The following SCAI variants were observed in gnomAD, a reference collection of about 807,000 sequenced individuals.
SCAI encodes protein SCAI.
SCAI carries 24 observed loss-of-function variants against 92.2 expected under a neutral mutation model. That is an observed-to-expected ratio of 0.26 (90% CI 0.19 to 0.37). SCAI has a LOEUF of 0.37. SCAI is among the 10% of genes least tolerant of loss of function. The pLI is 1.00. For missense variants in SCAI, 450 were observed against 736.2 expected, an observed-to-expected ratio of 0.61 and a Z score of 4.50; for synonymous variants, 261 against 258.6, an observed-to-expected ratio of 1.01 and a Z score of -0.09.
intron 13 of SCAI, among the ~76,000 whole-genome samples, chr9:124,997,961 TA>T (rs1219221786): frequency 2.6e-5 from 4 of 152,024 alleles, no homozygotes; most frequent in African/African-American, 9.7e-5. Context: ...TTTTTGCATT[TA>T]AAAAAATTTT....
intron 2 of SCAI, among the ~76,000 whole-genome samples, chr9:125,138,300 G>T (rs547036594): frequency 1.4e-5 from 2 of 144,496 alleles, no homozygotes; most frequent in South Asian, 4.3e-4. Context: ...TTGTTGCCCA[G>T]GATGGAGTGC....
At chr9:125,076,611 T>A (rs1274879732) in intron 2 of SCAI, among the ~76,000 whole-genome samples, 1 of 152,080 alleles carries the variant, frequency 6.6e-6, no homozygotes, top group Non-Finnish European at 1.5e-5. Context: ...ACCTCTGTAA[T>A]CCCAGCACTT....
At chr9:125,064,077 T>C (rs1357053882) in intron 2 of SCAI, among the ~76,000 whole-genome samples, 1 of 152,144 alleles carries the variant, frequency 6.6e-6, no homozygotes, top group African/African-American at 2.4e-5. Flanking sequence ...CTAAAAATCA[T>C]ATGCACCTAA....
intron 14 of SCAI, among the ~76,000 whole-genome samples, chr9:124,987,006 AAAG>A (rs1832006565): frequency 6.6e-6 from 1 of 152,214 alleles, no homozygotes; most frequent in Non-Finnish European, 1.5e-5. Flanking sequence ...CCAGGGGAAA[AAAG>A]AAAAAGAAGT....
At chr9:124,972,570 C>T (rs1831680630) in intron 15 of SCAI, among the ~76,000 whole-genome samples, 1 of 152,160 alleles carries the variant, frequency 6.6e-6, no homozygotes, top group African/African-American at 2.4e-5. Context: ...AATTTAATGA[C>T]TCACACTCTT....
At position 124,959,670 on chromosome 9, in the gene SCAI, G is replaced by A. The variant is rs185956908; in HGVS notation, c.1675-6717C>T. Among the ~76,000 whole-genome samples the A allele has an allele frequency of 8.8e-3, 1,322 of 150,842 alleles. 19 individuals are homozygous for A. Among genetic ancestry groups the A allele is most frequent in the African/African-American group, 0.031 (1,252 of 40,788 alleles). On this transcript the variant is annotated intron_variant, in intron 17 of 17. Transcript: ENST00000336505. ...ATTTACATTAGGTATATCTCCTAAC[G>A]CTATCCCTCCCCCATCCCCCCCACC...
At chr9:125,132,271 G>T (rs1256220110) in intron 2 of SCAI, among the ~76,000 whole-genome samples, 1 of 151,852 alleles carries the variant, frequency 6.6e-6, no homozygotes, top group Non-Finnish European at 1.5e-5. Context: ...GTACCACCAC[G>T]CCTGGCTAGT....
intron 2 of SCAI, among the ~76,000 whole-genome samples, chr9:125,069,808 G>A (rs1033666877): frequency 5.9e-5 from 9 of 151,804 alleles, no homozygotes; most frequent in Admixed American, 6.6e-5. Context: ...CTTTAGTAGA[G>A]ATGTGGTTTC....
intron 3 of SCAI, among the ~76,000 whole-genome samples, chr9:125,041,080 T>A (rs1833310795): frequency 6.6e-6 from 1 of 152,188 alleles, no homozygotes; most frequent in African/African-American, 2.4e-5. Flanking sequence ...AGTTAATGGA[T>A]AAGAAAGCAA....
At chr9:125,121,056 A>T (rs1274306349) in intron 2 of SCAI, among the ~76,000 whole-genome samples, 2 of 152,062 alleles carry the variant, frequency 1.3e-5, no homozygotes, top group African/African-American at 4.8e-5. Context: ...TAAAAAACTG[A>T]AATTTTTTTG....
chr9:125,099,446 A>AT (rs937104103), intron 2 of SCAI, among the ~76,000 whole-genome samples: 17 of 152,038 alleles, frequency 1.1e-4, no homozygotes, highest in African/African-American at 3.9e-4. Flanking sequence ...TGCCTGGCTA[A>AT]TTTTTTTGTA....
At chr9:125,058,253 C>T (rs1833709891) in intron 2 of SCAI, among the ~76,000 whole-genome samples, 1 of 151,976 alleles carries the variant, frequency 6.6e-6, no homozygotes, top group Admixed American at 6.6e-5. Context: ...GTGGCTCATG[C>T]CTGTAATCCC....
At chr9:125,011,232 T>A (rs1321950216) in intron 9 of SCAI, among the ~76,000 whole-genome samples, 1 of 152,114 alleles carries the variant, frequency 6.6e-6, no homozygotes, top group East Asian at 1.9e-4. Context: ...ATCAAACTAC[T>A]CCAAGCTACA....
At chr9:125,114,419 T>A (rs1315664498) in intron 2 of SCAI, among the ~76,000 whole-genome samples, 1 of 151,944 alleles carries the variant, frequency 6.6e-6, no homozygotes, top group African/African-American at 2.4e-5. Flanking sequence ...AAATTATACA[T>A]CTAGTATAAT....
chr9:124,998,566 G>A (rs907130490), intron 13 of SCAI, among the ~76,000 whole-genome samples: 1 of 152,116 alleles, frequency 6.6e-6, no homozygotes, highest in Non-Finnish European at 1.5e-5. Flanking sequence ...GAAGGAATAT[G>A]TTCTAGTGTT....
At chr9:125,108,897 G>A (rs150945250) in intron 2 of SCAI, among the ~76,000 whole-genome samples, 10,761 of 152,306 alleles carry the variant, frequency 0.071, 538 homozygotes, top group Non-Finnish European at 0.11. Flanking sequence ...TGATGACGAT[G>A]GCGGTTTTGT....
chr9:125,085,537 T>C (rs1834309307), intron 2 of SCAI, among the ~76,000 whole-genome samples: 1 of 151,996 alleles, frequency 6.6e-6, no homozygotes, highest in African/African-American at 2.4e-5. Context: ...ATTAAAAAAA[T>C]ATTGACTGGG....
At chr9:124,956,646 G>T (rs1308012903) in intron 17 of SCAI, among the ~76,000 whole-genome samples, 1 of 152,168 alleles carries the variant, frequency 6.6e-6, no homozygotes, top group African/African-American at 2.4e-5. Flanking sequence ...AGTAAATTAA[G>T]AATGGAAGGG....
intron 17 of SCAI, among the ~76,000 whole-genome samples, chr9:124,956,979 G>A (rs1256742881): frequency 4.1e-5 from 6 of 147,850 alleles, no homozygotes; most frequent in African/African-American, 1.3e-4. Context: ...CAGGACACAA[G>A]GTCAACTGTA....
Sources: gnomAD v4.1 joint callset for allele counts (sites outside exome capture counted in the v4.1 genomes callset) on GRCh38, gnomAD v4.1.1 for gene constraint, MANE v1.5 for transcripts, NCBI Gene and HGNC (gene_info 2026-07-23, HGNC 2026-07-21) for gene names.